Variants in TMEM132D observed in about 807,000 individuals in gnomAD.
TMEM132D encodes transmembrane protein 132D, also known as mature OL transmembrane protein.
Under a neutral mutation model 62.3 loss-of-function variants are expected in TMEM132D, and 21 were observed. The observed-to-expected ratio is 0.34, with a 90% CI of 0.24 to 0.49. The LOEUF (loss-of-function observed/expected upper bound fraction) is 0.49, where lower values mean the gene tolerates loss of function less well. Ranked by LOEUF, TMEM132D falls within the 20% of genes least tolerant of loss-of-function variation. The probability of loss-of-function intolerance (pLI) is 0.99; values close to 1 mark genes in which losing one functional copy is unlikely to be tolerated. For synonymous variants in TMEM132D, 621 were observed against 575.6 expected, an observed-to-expected ratio of 1.08 and a Z score of -1.13; for missense variants, 1,346 against 1,402.8, an observed-to-expected ratio of 0.96 and a Z score of 0.65.
chr12:129,224,167 T>A (rs1879420787), intron 4 of TMEM132D, among the ~76,000 whole-genome samples: 1 of 152,226 alleles, frequency 6.6e-6, no homozygotes, highest in Non-Finnish European at 1.5e-5. Context: ...TATAATACTT[T>A]GTGTCTCCTG....
intron 1 of TMEM132D, among the ~76,000 whole-genome samples, chr12:129,882,268 C>A (rs67621166): frequency 1.3e-5 from 2 of 152,140 alleles, no homozygotes; most frequent in Non-Finnish European, 2.9e-5. Flanking sequence ...ATCTCTTTTA[C>A]GAAGCCCGTA....
chr12:129,331,343 G>A (rs556968026), intron 4 of TMEM132D, among the ~76,000 whole-genome samples: 3 of 152,248 alleles, frequency 2.0e-5, no homozygotes, highest in South Asian at 2.1e-4. Flanking sequence ...TGAACGCCAC[G>A]TAACACCATC....
At chr12:129,131,410 C>A (rs1042117923) in intron 5 of TMEM132D, among the ~76,000 whole-genome samples, 5 of 152,132 alleles carry the variant, frequency 3.3e-5, no homozygotes, top group African/African-American at 1.2e-4. Flanking sequence ...CGTTTGAGAC[C>A]AGCCTGGCCA....
At position 129,168,492 on chromosome 12, in the gene TMEM132D, C is replaced by T. The variant is rs559382494; in HGVS notation, c.1443+41028G>A. 2.0e-5 allele frequency among the ~76,000 whole-genome samples: 3 copies of T among 152,258 alleles called. No individual in the cohort carries two copies. The South Asian group carries it at 6.2e-4, about 32-fold the overall frequency. ...TTTCCGCTCTATGGATTTTCCTATT[C>T]TAGACATGTCATATACATGGAGTTA... On this transcript the variant is annotated intron_variant, in intron 5 of 8. Transcript: ENST00000422113.
At chr12:129,122,413 C>A (rs1876094071) in intron 5 of TMEM132D, among the ~76,000 whole-genome samples, 1 of 152,226 alleles carries the variant, frequency 6.6e-6, no homozygotes. Context: ...CGCTTACAAC[C>A]TGGTACTACC....
chr12:129,597,019 G>A (rs1032468314), intron 2 of TMEM132D, among the ~76,000 whole-genome samples: 1 of 152,158 alleles, frequency 6.6e-6, no homozygotes, highest in African/African-American at 2.4e-5. Context: ...AGGTGAGAGT[G>A]TGAATACAAT....
Position 129,448,091 on chromosome 12 carries a change from G to A in TMEM132D, c.1115+82968C>T, listed in dbSNP as rs574791762. ...GAATGCATGAGGGAATATGGCCCACGGACTGTAGTCTATGTCAGACACTTC... is the reference window on the plus strand; with the variant it reads ...GAATGCATGAGGGAATATGGCCCACAGACTGTAGTCTATGTCAGACACTTC... On this transcript the variant is annotated intron_variant, in intron 3 of 8. Transcript: ENST00000422113. Among the ~76,000 whole-genome samples the A allele has an allele frequency of 5.9e-5, 9 of 152,156 alleles. No individual in the cohort carries two copies. The South Asian group carries it at 8.3e-4, about 14-fold the overall frequency.
intron 1 of TMEM132D, among the ~76,000 whole-genome samples, chr12:129,902,638 C>A (rs905421165): frequency 6.6e-6 from 1 of 152,164 alleles, no homozygotes; most frequent in Non-Finnish European, 1.5e-5. Flanking sequence ...GTGCACCCTG[C>A]GGGGCCGCTG....
At chr12:129,866,860 A>G (rs1874075883) in intron 1 of TMEM132D, among the ~76,000 whole-genome samples, 1 of 152,232 alleles carries the variant, frequency 6.6e-6, no homozygotes, top group African/African-American at 2.4e-5. Context: ...GGGATTCACA[A>G]TAGCCAAGAT....
At chr12:129,524,908 T>C (rs1192040928) in intron 3 of TMEM132D, among the ~76,000 whole-genome samples, 1 of 145,250 alleles carries the variant, frequency 6.9e-6, no homozygotes, top group East Asian at 2.1e-4. Context: ...TTTATTATTT[T>C]CATATTTTTT....
intron 1 of TMEM132D, among the ~76,000 whole-genome samples, chr12:129,807,538 C>G (rs1051411427): frequency 1.3e-5 from 2 of 152,212 alleles, no homozygotes; most frequent in Non-Finnish European, 2.9e-5. Context: ...TAGTTCTCCT[C>G]TCTCTAAGAT....
chr12:129,142,849 C>G (rs1463361137), intron 5 of TMEM132D, among the ~76,000 whole-genome samples: 1 of 152,080 alleles, frequency 6.6e-6, no homozygotes, highest in African/African-American at 2.4e-5. Flanking sequence ...GCTCTAGGTA[C>G]TTTTCCCAAA....
chr12:129,490,240 A>C (rs1334960607), intron 3 of TMEM132D, among the ~76,000 whole-genome samples: 4 of 152,130 alleles, frequency 2.6e-5, no homozygotes, highest in Admixed American at 2.6e-4. Context: ...ACAACAACAA[A>C]AAACTCTTCT....
intron 3 of TMEM132D, among the ~76,000 whole-genome samples, chr12:129,513,633 C>CG (rs1232682292): frequency 6.7e-6 from 1 of 150,090 alleles, no homozygotes; most frequent in Non-Finnish European, 1.5e-5. Flanking sequence ...TACAGGCACC[C>CG]ACCACCACGC....
At chr12:129,164,425 T>G (rs1165281657) in intron 5 of TMEM132D, among the ~76,000 whole-genome samples, 1 of 152,190 alleles carries the variant, frequency 6.6e-6, no homozygotes, top group Non-Finnish European at 1.5e-5. Flanking sequence ...TTGGAGCAAC[T>G]GGAATTCTCA....
chr12:129,842,992 G>C lies in TMEM132D; in HGVS notation c.79+60269C>G, dbSNP rs1873245527. 2.6e-5 allele frequency among the ~76,000 whole-genome samples: 4 copies of C among 152,258 alleles called. No homozygotes were observed. In the South Asian group the frequency reaches 8.3e-4, roughly 32 times the overall value. ...ATTGAAAAAGTGTCTCATTACAAAA[G>C]AGAACATTCAGCAAATAATAGTACT... On this transcript the variant is annotated intron_variant, in intron 1 of 8. Transcript: ENST00000422113.
intron 2 of TMEM132D, among the ~76,000 whole-genome samples, chr12:129,565,527 A>G (rs891402909): frequency 4.6e-5 from 7 of 152,204 alleles, no homozygotes; most frequent in African/African-American, 1.7e-4. Context: ...CCCTCTTTCC[A>G]TTATGCCCTG....
intron 4 of TMEM132D, among the ~76,000 whole-genome samples, chr12:129,230,565 C>T (rs79483611): frequency 1.6e-3 from 241 of 152,332 alleles, no homozygotes; most frequent in African/African-American, 5.4e-3. Context: ...GCTCTGTTTT[C>T]GGGGTGTCTA....
chr12:129,504,756 T>C (rs1875278710), intron 3 of TMEM132D, among the ~76,000 whole-genome samples: 1 of 152,192 alleles, frequency 6.6e-6, no homozygotes, highest in Admixed American at 6.5e-5. Context: ...TTTCTTCTGC[T>C]GGGTTTGGGT....
Sources: allele counts gnomAD v4.1 joint callset (sites outside exome capture counted in the v4.1 genomes callset), GRCh38; gene constraint gnomAD v4.1.1; transcripts MANE v1.5; gene names NCBI Gene and HGNC (gene_info 2026-07-23, HGNC 2026-07-21).